The following MYO5B variants were observed in gnomAD, a reference collection of about 807,000 sequenced individuals.
MYO5B encodes myosin VB.
Under a neutral mutation model 229.3 loss-of-function variants are expected in MYO5B, and 143 were observed. The ratio of observed to expected loss-of-function variants is 0.62; its 90% CI spans 0.54 to 0.72. MYO5B has a LOEUF of 0.72. Ranked by LOEUF, MYO5B falls within the 30% of genes least tolerant of loss-of-function variation. The pLI, the probability that MYO5B is intolerant of heterozygous loss-of-function variation, is 0.00. For missense variants in MYO5B, 2,321 were observed against 2,331.0 expected, an observed-to-expected ratio of 1.00 and a Z score of 0.09; for synonymous variants, 918 against 885.2, an observed-to-expected ratio of 1.04 and a Z score of -0.66.
chr18:49,979,897 T>C (rs966265187), intron 9 of MYO5B, among the ~76,000 whole-genome samples: 1 of 152,200 alleles, frequency 6.6e-6, no homozygotes, highest in South Asian at 2.1e-4. Context: ...CACATATCAG[T>C]ACTACATTGG....
chr18:49,953,284 C>T lies in MYO5B; in HGVS notation c.1728G>A (p.Gln576=), dbSNP rs371586732. The T allele has an allele frequency of 5.6e-6, 9 of 1,614,062 alleles. No homozygotes were observed. Among genetic ancestry groups the T allele is most frequent in the African/African-American group, 1.3e-5 (1 of 74,920 alleles). ...EKNRDTVYEE[Q]INILKASKFP... is the part of the protein sequence containing the mutation. ...CCTTGCTGGCCTTCAGGATATTGAT[C>T]TGCTCTTCATACACCGTGTCTCTGT... Residue 576 remains glutamine, a synonymous_variant, in exon 14 of 40, where the codon CAG becomes CAA. Transcript: ENST00000285039.
intron 1 of MYO5B, among the ~76,000 whole-genome samples, chr18:50,179,551 T>G (rs1599081921): frequency 6.6e-6 from 1 of 152,116 alleles, no homozygotes; most frequent in Non-Finnish European, 1.5e-5. Flanking sequence ...CAATCTAAAC[T>G]GGAACCAGAG....
chr18:50,013,681 T>G (rs987668965), intron 4 of MYO5B, among the ~76,000 whole-genome samples: 1 of 152,164 alleles, frequency 6.6e-6, no homozygotes, highest in Non-Finnish European at 1.5e-5. Flanking sequence ...ATAGTAGACT[T>G]AGGTAACACA....
chr18:50,094,457 T>G (rs528702492), intron 1 of MYO5B, among the ~76,000 whole-genome samples: 1 of 148,038 alleles, frequency 6.8e-6, no homozygotes, highest in Admixed American at 6.7e-5. Flanking sequence ...TCTTAAGTAC[T>G]GAGTTTTTTT....
intron 4 of MYO5B, among the ~76,000 whole-genome samples, chr18:50,031,522 T>C (rs1420491799): frequency 1.3e-5 from 2 of 152,196 alleles, no homozygotes; most frequent in African/African-American, 2.4e-5. Context: ...GGGTAAAGCA[T>C]GGAAGACAAA....
intron 22 of MYO5B, among the ~76,000 whole-genome samples, chr18:49,892,195 A>G (rs1281212867): frequency 6.6e-6 from 1 of 152,254 alleles, no homozygotes; most frequent in Admixed American, 6.5e-5. Flanking sequence ...AAATGTACAC[A>G]ATGCACAGGC....
intron 1 of MYO5B, among the ~76,000 whole-genome samples, chr18:50,128,317 G>A (rs929053532): frequency 6.6e-6 from 1 of 152,136 alleles, no homozygotes; most frequent in Non-Finnish European, 1.5e-5. Context: ...TGAAGGGGGA[G>A]AGAGAACAAA....
At chr18:50,020,683 G>A (rs2026264384) in intron 4 of MYO5B, among the ~76,000 whole-genome samples, 1 of 152,240 alleles carries the variant, frequency 6.6e-6, no homozygotes, top group Non-Finnish European at 1.5e-5. Flanking sequence ...GCAGCAACCA[G>A]GTGGAGGAGA....
chr18:49,921,325 G>C (rs1463745097), intron 17 of MYO5B, among the ~76,000 whole-genome samples: 1 of 150,084 alleles, frequency 6.7e-6, no homozygotes, highest in Non-Finnish European at 1.5e-5. Context: ...CACACTTTTC[G>C]GGGTAAGCAG....
At chr18:50,160,874 C>A (rs1347811318) in intron 1 of MYO5B, among the ~76,000 whole-genome samples, 2 of 152,154 alleles carry the variant, frequency 1.3e-5, no homozygotes, top group Non-Finnish European at 2.9e-5. Flanking sequence ...CTGTCCAACA[C>A]CCACCCCTCA....
intron 14 of MYO5B, among the ~76,000 whole-genome samples, chr18:49,947,611 G>A (rs2025388972): frequency 6.6e-6 from 1 of 152,190 alleles, no homozygotes; most frequent in Non-Finnish European, 1.5e-5. Flanking sequence ...TAAGCAGTCT[G>A]TTTATAAGCT....
chr18:49,912,387 C>T (rs2024968194), intron 17 of MYO5B, among the ~76,000 whole-genome samples: 1 of 152,158 alleles, frequency 6.6e-6, no homozygotes, highest in African/African-American at 2.4e-5. Flanking sequence ...GGCTGGAGGG[C>T]TGGAAAAAAG....
chr18:49,949,340 A>AG (rs966085268), intron 14 of MYO5B, among the ~76,000 whole-genome samples: 8 of 93,180 alleles, frequency 8.6e-5, no homozygotes, highest in Non-Finnish European at 1.4e-4. Flanking sequence ...GGAAAAAAAA[A>AG]AAAAGGAAAA....
chr18:50,080,246 G>A (rs993862512), intron 1 of MYO5B, among the ~76,000 whole-genome samples: 1 of 152,198 alleles, frequency 6.6e-6, no homozygotes, highest in Admixed American at 6.5e-5. Flanking sequence ...CAGCAACTTG[G>A]TATTAGTGAC....
At chr18:49,938,542 C>T (rs1234634463) in intron 14 of MYO5B, among the ~76,000 whole-genome samples, 1 of 152,136 alleles carries the variant, frequency 6.6e-6, no homozygotes, top group Non-Finnish European at 1.5e-5. Context: ...GCTACAGCCT[C>T]AGATGCTAGG....
intron 1 of MYO5B, among the ~76,000 whole-genome samples, chr18:50,113,241 A>G (rs543850151): frequency 3.6e-4 from 55 of 152,336 alleles, no homozygotes; most frequent in African/African-American, 1.2e-3. Context: ...AAAAAAGACA[A>G]AAAGGCTTCC....
chr18:49,851,759 C>CT (rs1455726477), intron 31 of MYO5B, among the ~76,000 whole-genome samples: 1 of 152,202 alleles, frequency 6.6e-6, no homozygotes, highest in African/African-American at 2.4e-5. Context: ...TGCCAAGCAC[C>CT]TTGTGCTGTG....
intron 18 of MYO5B, among the ~76,000 whole-genome samples, chr18:49,908,483 C>T (rs2024924337): frequency 6.6e-6 from 1 of 152,210 alleles, no homozygotes; most frequent in South Asian, 2.1e-4. Flanking sequence ...AAGTGACTTG[C>T]TCAAGGTGAC....
chr18:49,841,881 G>A (rs984361701), intron 34 of MYO5B, among the ~76,000 whole-genome samples: 1 of 152,146 alleles, frequency 6.6e-6, no homozygotes, highest in African/African-American at 2.4e-5. Flanking sequence ...CAGCAAAATA[G>A]TTTGGTGTCC....
Sources: allele counts gnomAD v4.1 joint callset (sites outside exome capture counted in the v4.1 genomes callset), GRCh38; gene constraint gnomAD v4.1.1; transcripts MANE v1.5; gene names NCBI Gene and HGNC (gene_info 2026-07-23, HGNC 2026-07-21).